The following LIPC variants were observed in gnomAD, a reference collection of about 807,000 sequenced individuals.
The protein encoded by LIPC is lipase C, hepatic type.
In LIPC, 44 loss-of-function variants were observed where a neutral mutation model predicts 50.7. The ratio of observed to expected loss-of-function variants is 0.87; its 90% CI spans 0.68 to 1.11. The LOEUF is 1.11. LIPC is among the 50% of genes most tolerant of loss of function. LIPC has a pLI of 0.00. For synonymous variants in LIPC, 271 were observed against 256.4 expected (o/e 1.06, Z -0.54); for missense variants, 697 against 648.2 (o/e 1.08, Z -0.82).
chr15:58,530,433 C>T (rs1285783475), intron 1 of LIPC, among the ~76,000 whole-genome samples: 1 of 152,248 alleles, frequency 6.6e-6, no homozygotes, highest in Non-Finnish European at 1.5e-5. Flanking sequence ...AAACCAGGAG[C>T]AGCCAGGCCC....
intron 1 of LIPC, among the ~76,000 whole-genome samples, chr15:58,446,465 G>C (rs548161794): frequency 1.3e-5 from 2 of 152,318 alleles, no homozygotes; most frequent in East Asian, 3.9e-4. Context: ...GTTGTCCCAA[G>C]ATAGTTGTTG....
At chr15:58,566,647 C>G (rs1194391862) in intron 8 of LIPC, among the ~76,000 whole-genome samples, 1 of 151,988 alleles carries the variant, frequency 6.6e-6, no homozygotes, top group Non-Finnish European at 1.5e-5. Context: ...TTTTCTTCCC[C>G]CAAAGGCACA....
intron 6 of LIPC, among the ~76,000 whole-genome samples, chr15:58,557,007 C>T (rs1893976285): frequency 6.6e-6 from 1 of 152,226 alleles, no homozygotes. Context: ...CCCTCTATTA[C>T]TGAATATTTC....
At chr15:58,527,850 C>T (rs535462648) in intron 1 of LIPC, among the ~76,000 whole-genome samples, 2 of 152,240 alleles carry the variant, frequency 1.3e-5, no homozygotes, top group East Asian at 1.9e-4. Flanking sequence ...TAAAAGCATA[C>T]CCAAGAGCCA....
intron 7 of LIPC, 66 bp downstream of exon 7, chr15:58,561,047 C>A: frequency 1.2e-6 from 1 of 858,188 alleles, no homozygotes; most frequent in African/African-American, 1.6e-5. Flanking sequence ...CATAAATGGA[C>A]TCTGTAATTT....
At chr15:58,548,930 A>C (rs1160892202) in intron 6 of LIPC, among the ~76,000 whole-genome samples, 1 of 152,204 alleles carries the variant, frequency 6.6e-6, no homozygotes, top group Non-Finnish European at 1.5e-5. Context: ...CTCCAAACAC[A>C]TCCTAGAACC....
At chr15:58,483,405 C>G (rs1442161639) in intron 1 of LIPC, among the ~76,000 whole-genome samples, 1 of 152,138 alleles carries the variant, frequency 6.6e-6, no homozygotes, top group African/African-American at 2.4e-5. Flanking sequence ...AAGCAATTGG[C>G]ACACTGACCC....
At chr15:58,537,916 T>C (rs1893188914) in intron 1 of LIPC, among the ~76,000 whole-genome samples, 1 of 152,158 alleles carries the variant, frequency 6.6e-6, no homozygotes, top group South Asian at 2.1e-4. Flanking sequence ...CTATTCACTG[T>C]CTCTCTAGGT....
chr15:58,449,332 G>A (rs764881042), intron 1 of LIPC, among the ~76,000 whole-genome samples: 3 of 152,174 alleles, frequency 2.0e-5, no homozygotes, highest in Non-Finnish European at 4.4e-5. Flanking sequence ...CACAGCAGAG[G>A]TGCATCTCTC....
At chr15:58,523,421 C>G (rs188341216) in intron 1 of LIPC, 1 of 152,414 alleles carries the variant, frequency 6.6e-6, no homozygotes, top group Non-Finnish European at 1.5e-5. Flanking sequence ...GCAAGAAGGT[C>G]AGCATCTAGC....
At chr15:58,490,644 T>G (rs1474522007) in intron 1 of LIPC, among the ~76,000 whole-genome samples, 2 of 152,148 alleles carry the variant, frequency 1.3e-5, no homozygotes, top group Non-Finnish European at 2.9e-5. Flanking sequence ...CACTCTCCAG[T>G]GAATATAAAT....
intron 5 of LIPC, among the ~76,000 whole-genome samples, chr15:58,546,809 C>T (rs1357624940): frequency 1.3e-5 from 2 of 152,176 alleles, no homozygotes; most frequent in Non-Finnish European, 2.9e-5. Context: ...ATGACACCAT[C>T]CTCGCCTCTC....
chr15:58,532,503 T>C (rs115420438), intron 1 of LIPC, among the ~76,000 whole-genome samples: 1,655 of 152,310 alleles, frequency 0.011, 38 homozygotes, highest in African/African-American at 0.038. Flanking sequence ...GCAGTGGATG[T>C]TTACAAAGCA....
intron 1 of LIPC, among the ~76,000 whole-genome samples, chr15:58,500,631 A>G (rs1365675723): frequency 6.6e-6 from 1 of 152,138 alleles, no homozygotes; most frequent in African/African-American, 2.4e-5. Flanking sequence ...ATGTGCTGCT[A>G]CTAAGCTACC....
intron 1 of LIPC, among the ~76,000 whole-genome samples, chr15:58,485,722 C>T (rs998469738): frequency 6.6e-6 from 1 of 152,244 alleles, no homozygotes; most frequent in African/African-American, 2.4e-5. Flanking sequence ...CAAAGCTGCC[C>T]TGTCATTTGT....
chr15:58,493,665 A>G (rs1289881019), intron 1 of LIPC, among the ~76,000 whole-genome samples: 1 of 147,678 alleles, frequency 6.8e-6, no homozygotes, highest in East Asian at 2.0e-4. Context: ...AATAAAATTT[A>G]TACAAAATTT....
intron 2 of LIPC, among the ~76,000 whole-genome samples, chr15:58,540,231 C>G (rs1408246740): frequency 6.6e-6 from 1 of 152,216 alleles, no homozygotes; most frequent in Non-Finnish European, 1.5e-5. Flanking sequence ...AAAATGCACT[C>G]TTCATTATCA....
chr15:58,487,806 C>T (rs1315495149), intron 1 of LIPC, among the ~76,000 whole-genome samples: 1 of 152,196 alleles, frequency 6.6e-6, no homozygotes, highest in East Asian at 1.9e-4. Context: ...GAGGTACTTG[C>T]AGGGCCCGAG....
chr15:58,453,191 T>A (rs779602750), intron 1 of LIPC, among the ~76,000 whole-genome samples: 16 of 152,148 alleles, frequency 1.1e-4, no homozygotes, highest in Non-Finnish European at 2.1e-4. Context: ...TCTCTTCAGA[T>A]GGCTAAAACA....
Sources: gnomAD v4.1 joint callset for allele counts (sites outside exome capture counted in the v4.1 genomes callset) on GRCh38, gnomAD v4.1.1 for gene constraint, MANE v1.5 for transcripts, NCBI Gene and HGNC (gene_info 2026-07-23, HGNC 2026-07-21) for gene names.